CSMD1: variants seen among roughly 807,000 people sequenced by gnomAD.
The protein encoded by CSMD1 is CUB and sushi domain-containing protein 1.
In CSMD1, 213 loss-of-function variants were observed where a neutral mutation model predicts 417.5. That is an observed-to-expected ratio of 0.51 (90% CI 0.46 to 0.57). The LOEUF is 0.57. CSMD1 is among the 20% of genes least tolerant of loss of function. The pLI, the probability that CSMD1 is intolerant of heterozygous loss-of-function variation, is 0.00. For missense variants in CSMD1, 6,923 were observed against 4,529.7 expected, an observed-to-expected ratio of 1.53 and a Z score of -15.17; for synonymous variants, 2,862 against 1,736.8, an observed-to-expected ratio of 1.65 and a Z score of -16.11.
intron 3 of CSMD1, among the ~76,000 whole-genome samples, chr8:4,036,346 C>G (rs1797616386): frequency 6.8e-6 from 1 of 146,768 alleles, no homozygotes; most frequent in African/African-American, 2.5e-5. Flanking sequence ...AGAGGGACCC[C>G]TCCAAAATTG....
chr8:4,121,620 TA>T (rs35084613), intron 3 of CSMD1, among the ~76,000 whole-genome samples: 71,291 of 143,960 alleles, frequency 0.5, 17,730 homozygotes, highest in Non-Finnish European at 0.56. Context: ...ACACCTAGTT[TA>T]AAAAAAAAAA....
chr8:3,997,030 C>T (rs1815272299), intron 5 of CSMD1, among the ~76,000 whole-genome samples: 1 of 152,148 alleles, frequency 6.6e-6, no homozygotes. Flanking sequence ...CATAAATGGC[C>T]AACATTTCCT....
At chr8:4,910,416 T>C (rs1348051919) in intron 1 of CSMD1, among the ~76,000 whole-genome samples, 3 of 152,236 alleles carry the variant, frequency 2.0e-5, no homozygotes, top group African/African-American at 7.2e-5. Context: ...ATTTTTCACA[T>C]TCTGGAGGCT....
intron 1 of CSMD1, among the ~76,000 whole-genome samples, chr8:4,948,747 T>C (rs921784065): frequency 6.6e-6 from 1 of 152,136 alleles, no homozygotes; most frequent in South Asian, 2.1e-4. Context: ...AGAAAAGTGA[T>C]AGTTTAGTTT....
At chr8:3,600,635 T>C (rs544949953) in intron 8 of CSMD1, among the ~76,000 whole-genome samples, 4 of 152,258 alleles carry the variant, frequency 2.6e-5, no homozygotes, top group East Asian at 1.9e-4. Context: ...GGAAAACGAC[T>C]GGTGACCCCA....
At chr8:3,194,291 T>C (rs1239479104) in intron 33 of CSMD1, among the ~76,000 whole-genome samples, 1 of 152,164 alleles carries the variant, frequency 6.6e-6, no homozygotes, top group Non-Finnish European at 1.5e-5. Context: ...TGTATTTGCC[T>C]GCCCAGAAAT....
chr8:4,655,583 T>G (rs1445511581), intron 1 of CSMD1, among the ~76,000 whole-genome samples: 2 of 152,064 alleles, frequency 1.3e-5, no homozygotes, highest in African/African-American at 2.4e-5. Flanking sequence ...TACTTATTTT[T>G]CAAAAAACTT....
chr8:3,621,828 C>G (rs1195211643), intron 7 of CSMD1, among the ~76,000 whole-genome samples: 1 of 151,804 alleles, frequency 6.6e-6, no homozygotes, highest in Non-Finnish European at 1.5e-5. Context: ...AGGCTGGTCT[C>G]AAACTCCTGG....
intron 25 of CSMD1, among the ~76,000 whole-genome samples, chr8:3,298,584 G>T (rs1327859749): frequency 6.6e-6 from 1 of 152,126 alleles, no homozygotes; most frequent in East Asian, 1.9e-4. Flanking sequence ...CTCCCGAGTA[G>T]CTGGGATTAT....
chr8:4,810,804 C>T (rs1336328854), intron 1 of CSMD1, among the ~76,000 whole-genome samples: 1 of 152,172 alleles, frequency 6.6e-6, no homozygotes, highest in South Asian at 2.1e-4. Flanking sequence ...TATAATAAAT[C>T]ATATAAAGAA....
At chr8:4,479,800 C>G (rs533881815) in intron 2 of CSMD1, among the ~76,000 whole-genome samples, 277 of 151,870 alleles carry the variant, frequency 1.8e-3, no homozygotes, top group African/African-American at 6.5e-3. Context: ...CCGTTCTCTA[C>G]TGAAAACACA....
At chr8:4,738,903 T>TTGTGTATGTGTGTGTGTG in intron 1 of CSMD1, among the ~76,000 whole-genome samples, 1 of 147,494 alleles carries the variant, frequency 6.8e-6, no homozygotes, top group South Asian at 2.1e-4. Context: ...TTCTGTGTGT[T>TTGTGTATGTGTGTGTGTG]TGTGTGTGTG....
intron 1 of CSMD1, among the ~76,000 whole-genome samples, chr8:4,923,728 G>A (rs578178249): frequency 6.6e-6 from 1 of 152,178 alleles, no homozygotes; most frequent in South Asian, 2.1e-4. Context: ...CATGATTACA[G>A]AAATTTACCA....
intron 2 of CSMD1, among the ~76,000 whole-genome samples, chr8:4,593,947 A>T (rs2130740830): frequency 6.6e-6 from 1 of 152,216 alleles, no homozygotes; most frequent in East Asian, 1.9e-4. Flanking sequence ...TGTCAGGAGG[A>T]TCACGTTCCC....
At chr8:3,349,259 C>T (rs1808230842) in intron 21 of CSMD1, among the ~76,000 whole-genome samples, 1 of 152,194 alleles carries the variant, frequency 6.6e-6, no homozygotes, top group Non-Finnish European at 1.5e-5. Flanking sequence ...TGCATGCCCA[C>T]TGCCACGATA....
rs544790654 is a variant in CSMD1, at chr8:4,564,022, G to C, written c.302+73320C>G. ...AATGAGGAGTTACGCCCATGGAGTT[G>C]CAACTCATGGAAGCCCAGTTAGCGA... is the stretch of plus-strand genomic sequence containing the variant. On this transcript the variant is annotated intron_variant, in intron 2 of 69. Transcript: ENST00000635120. Among the ~76,000 whole-genome samples the C allele has an allele frequency of 2.0e-5, 3 of 152,272 alleles. No individual in the cohort carries two copies. The South Asian group carries it at 6.2e-4, about 32-fold the overall frequency.
chr8:3,189,113 G>T (rs898501), intron 34 of CSMD1, 102 bp from the exon 35 acceptor site: 381,396 of 1,095,538 alleles, frequency 0.35, 70,639 homozygotes, highest in Non-Finnish European at 0.39. Flanking sequence ...AAGAGAAAAT[G>T]TACATGAACA....
intron 39 of CSMD1, among the ~76,000 whole-genome samples, chr8:3,152,850 C>T (rs942204464): frequency 6.6e-6 from 1 of 152,190 alleles, no homozygotes; most frequent in Non-Finnish European, 1.5e-5. Flanking sequence ...GGAAGACACA[C>T]CAGCAAATCT....
intron 26 of CSMD1, among the ~76,000 whole-genome samples, chr8:3,261,074 C>A (rs972114964): frequency 6.6e-6 from 1 of 152,108 alleles, no homozygotes; most frequent in Admixed American, 6.6e-5. Context: ...TGAAAAGATG[C>A]TCTAAATTAG....
Sources: gnomAD v4.1 joint callset for allele counts (sites outside exome capture counted in the v4.1 genomes callset) on GRCh38, gnomAD v4.1.1 for gene constraint, MANE v1.5 for transcripts, NCBI Gene and HGNC (gene_info 2026-07-23, HGNC 2026-07-21) for gene names.